The following PPIL6 variants were observed in gnomAD, a reference collection of about 807,000 sequenced individuals.
The protein encoded by PPIL6 is probable inactive peptidyl-prolyl cis-trans isomerase-like 6.
Under a neutral mutation model 36.8 loss-of-function variants are expected in PPIL6, and 39 were observed. The ratio of observed to expected loss-of-function variants is 1.06; its 90% confidence interval spans 0.82 to 1.38. The LOEUF is 1.38. Among genes scored for constraint, PPIL6 ranks in the 40% most tolerant of loss-of-function variants. PPIL6 has a pLI of 0.00. For synonymous variants in PPIL6, 123 were observed against 134.1 expected, an observed-to-expected ratio of 0.92 and a Z score of 0.57; for missense variants, 368 against 379.1, an observed-to-expected ratio of 0.97 and a Z score of 0.24.
At chr6:109,437,009 G>T (rs1282694146) in intron 1 of PPIL6, among the ~76,000 whole-genome samples, 1 of 152,190 alleles carries the variant, frequency 6.6e-6, no homozygotes, top group Non-Finnish European at 1.5e-5. Flanking sequence ...TGACCAAAAA[G>T]ATAATAACGT....
At chr6:109,400,786 C>A (rs1476558068) in intron 6 of PPIL6, among the ~76,000 whole-genome samples, 1 of 152,132 alleles carries the variant, frequency 6.6e-6, no homozygotes, top group East Asian at 1.9e-4. Context: ...CATGTACTTT[C>A]CCATTCCATG....
At chr6:109,437,860 G>A (rs752927223) in intron 1 of PPIL6, among the ~76,000 whole-genome samples, 7 of 152,218 alleles carry the variant, frequency 4.6e-5, no homozygotes, top group South Asian at 4.1e-4. Context: ...GTGAGCCACC[G>A]CACCTGGCCC....
chr6:109,405,408 C>T (rs1772758160), intron 6 of PPIL6, among the ~76,000 whole-genome samples: 1 of 152,234 alleles, frequency 6.6e-6, no homozygotes, highest in East Asian at 1.9e-4. Context: ...TACCTCCATC[C>T]CTTTCTTTTC....
intron 6 of PPIL6, among the ~76,000 whole-genome samples, chr6:109,401,713 ACT>A (rs1772546965): frequency 7.0e-6 from 1 of 143,874 alleles, no homozygotes; most frequent in African/African-American, 2.7e-5. Flanking sequence ...CACAGCAAAG[ACT>A]CAGAGAGTTT....
At chr6:109,414,327 T>C (rs1327700922) in intron 6 of PPIL6, among the ~76,000 whole-genome samples, 2 of 152,184 alleles carry the variant, frequency 1.3e-5, no homozygotes, top group Non-Finnish European at 2.9e-5. Context: ...TTTCCTCTTA[T>C]GTTCCTTGTA....
Position 109,392,853 on chromosome 6 carries a change from A to C in PPIL6, c.909T>G (p.Ile303Met), listed in dbSNP as rs1772145172. Residue 303 changes from isoleucine (I) to methionine (M), a missense_variant, in exon 8 of 8, where the codon ATT becomes ATG. Transcript: ENST00000521072. ...AAGCATAAGGATCTCCACTGTCAGT[A>C]ATTCTACACATATGTATTGGTCTTT... Reference protein sequence around the residue: ...QNERPIHMCRITDSGDPYA With the variant: ...QNERPIHMCRMTDSGDPYA 6.3e-7 allele frequency: 1 copy of C among 1,590,506 alleles called. No homozygotes were observed. The highest frequency in any genetic ancestry group is 1.3e-5 in the African/African-American group (1 of 74,442).
rs759583408 is a variant in PPIL6 at position 109,400,099 on chromosome 6, C to T, written c.760G>A (p.Gly254Arg). 1.1e-5 allele frequency: 17 copies of T among 1,613,610 alleles called. No homozygotes were observed. The Admixed American group carries it at 1.2e-4, about 11-fold the overall frequency. ...TGCAGTGTGATATAGAATTGTGACC[C>T]GTTGCTGTGACGGCCTTTGTTGGCC... Reference protein sequence around the residue: ...GMANKGRHSNGSQFYITLQAT... With the variant: ...GMANKGRHSNRSQFYITLQAT... Residue 254 changes from glycine to arginine, a missense_variant, in exon 7 of 8, where the codon GGG becomes AGG. By Grantham distance (125) the Gly-to-Arg change is moderately radical. Coordinates refer to ENST00000521072, the MANE Select transcript of PPIL6 (RefSeq NM_173672.5).
intron 5 of PPIL6, among the ~76,000 whole-genome samples, chr6:109,419,704 C>T (rs144188039): frequency 0.041 from 6,166 of 151,390 alleles, 173 homozygotes; most frequent in South Asian, 0.089. Context: ...GCCTGAGCAA[C>T]GAGAGTGAAA....
intron 3 of PPIL6, among the ~76,000 whole-genome samples, chr6:109,430,810 CTTAAT>C (rs1319844862): frequency 6.6e-6 from 1 of 152,164 alleles, no homozygotes; most frequent in Non-Finnish European, 1.5e-5. Flanking sequence ...GTTGGACAGT[CTTAAT>C]TTAAATATTT....
rs186854504 is a variant in PPIL6, at chr6:109,421,583, A to G, written c.632-2340T>C. Among the ~76,000 whole-genome samples the G allele has an allele frequency of 8.1e-4, 105 of 129,470 alleles. No homozygotes were observed. The East Asian group carries it at 0.017, about 21-fold the overall frequency. The allele number at this position is 129,470 out of a possible 152,430, so 84.9% of individuals were successfully genotyped here. Reference sequence around the variant, plus strand: ...CATCATCTTCATCATTCTGCTCAATATGATGATGATGATAATAAAATGCAT... The same window carrying G: ...CATCATCTTCATCATTCTGCTCAATGTGATGATGATGATAATAAAATGCAT... On this transcript the variant is annotated intron_variant, in intron 5 of 7. Coordinates refer to ENST00000521072, the MANE Select transcript of PPIL6 (RefSeq NM_173672.5).
At chr6:109,405,493 T>C (rs1389433022) in intron 6 of PPIL6, among the ~76,000 whole-genome samples, 1 of 152,240 alleles carries the variant, frequency 6.6e-6, no homozygotes, top group Non-Finnish European at 1.5e-5. Context: ...GTCTGTTGAT[T>C]GCACACATGG....
intron 7 of PPIL6, among the ~76,000 whole-genome samples, chr6:109,393,502 A>C (rs1317402061): frequency 6.6e-6 from 1 of 152,140 alleles, no homozygotes; most frequent in Non-Finnish European, 1.5e-5. Flanking sequence ...CTGGGATTAT[A>C]AGTGTGCGCC....
chr6:109,431,295 A>G lies in PPIL6; in HGVS notation c.282T>C (p.Val94=), dbSNP rs143768468. The G allele has an allele frequency of 2.9e-5, 47 of 1,612,832 alleles. No homozygotes were observed. The African/African-American group carries it at 5.1e-4, about 17-fold the overall frequency. ...ATGCATCACCCAGAAACTGACCATT[A>G]ACAAAAGAAATCACAGAGGAAGAAT... ...WEYSSSVISF[V]NGQFLGDALD... The change falls in exon 3 of 8, where the codon GTT becomes GTC. Residue 94 remains valine, a synonymous_variant. Transcript: ENST00000521072.
chr6:109,395,841 T>C (rs1279981286), intron 7 of PPIL6, among the ~76,000 whole-genome samples: 1 of 148,944 alleles, frequency 6.7e-6, no homozygotes. Context: ...CTTTTTTTTT[T>C]TTTTTTTTTC....
intron 7 of PPIL6, among the ~76,000 whole-genome samples, chr6:109,397,293 G>T (rs1187469555): frequency 6.6e-6 from 1 of 151,880 alleles, no homozygotes; most frequent in South Asian, 2.1e-4. Context: ...CCAAGAGGAA[G>T]GTGGATCATA....
chr6:109,429,595 C>T (rs1453380983), intron 3 of PPIL6, among the ~76,000 whole-genome samples: 1 of 152,180 alleles, frequency 6.6e-6, no homozygotes, highest in Non-Finnish European at 1.5e-5. Context: ...CTAGCCTTGC[C>T]AGCTAGGTGC....
intron 7 of PPIL6, among the ~76,000 whole-genome samples, chr6:109,393,523 G>A (rs1428886375): frequency 6.6e-6 from 1 of 152,106 alleles, no homozygotes; most frequent in African/African-American, 2.4e-5. Context: ...ACCACACCTG[G>A]CCAGCATGGT....
At chr6:109,403,027 T>C in intron 6 of PPIL6, 3 of 1,524,974 alleles carry the variant, frequency 2.0e-6, no homozygotes, top group Non-Finnish European at 2.6e-6. Flanking sequence ...AATCGTCTGC[T>C]CACCTCGGTA....
At chr6:109,405,660 C>T (rs1772769847) in intron 6 of PPIL6, among the ~76,000 whole-genome samples, 1 of 152,148 alleles carries the variant, frequency 6.6e-6, no homozygotes, top group African/African-American at 2.4e-5. Context: ...ATGAGAAACA[C>T]TAGGGAAATG....
Sources: allele counts gnomAD v4.1 joint callset (sites outside exome capture counted in the v4.1 genomes callset), GRCh38; gene constraint gnomAD v4.1.1; transcripts MANE v1.5; gene names NCBI Gene and HGNC (gene_info 2026-07-23, HGNC 2026-07-21).